The following CNTNAP5 variants were observed in gnomAD, a reference collection of about 807,000 sequenced individuals.
CNTNAP5 encodes contactin associated protein family member 5.
CNTNAP5 carries 72 observed loss-of-function variants against 150.2 expected under a neutral mutation model. The ratio of observed to expected loss-of-function variants is 0.48; its 90% CI spans 0.40 to 0.58. The LOEUF (loss-of-function observed/expected upper bound fraction) is 0.58, where lower values mean the gene tolerates loss of function less well. Among genes scored for constraint, CNTNAP5 ranks in the 20% least tolerant of loss-of-function variants. The pLI is 0.00. For missense variants in CNTNAP5, 1,636 were observed against 1,626.2 expected (o/e 1.01, Z -0.10); for synonymous variants, 672 against 619.8 (o/e 1.08, Z -1.25).
intron 11 of CNTNAP5, among the ~76,000 whole-genome samples, chr2:124,578,664 T>G (rs1243478406): frequency 6.6e-6 from 1 of 152,062 alleles, no homozygotes; most frequent in Non-Finnish European, 1.5e-5. Context: ...CCCAGCTCCT[T>G]GTGGGGACTG....
At chr2:124,174,302 T>C (rs533705407) in intron 1 of CNTNAP5, among the ~76,000 whole-genome samples, 2 of 152,156 alleles carry the variant, frequency 1.3e-5, no homozygotes, top group African/African-American at 2.4e-5. Context: ...AAAATACGTG[T>C]TGTAAGGCTA....
At chr2:124,576,075 C>T (rs1307692017) in intron 11 of CNTNAP5, among the ~76,000 whole-genome samples, 1 of 152,134 alleles carries the variant, frequency 6.6e-6, no homozygotes, top group East Asian at 1.9e-4. Context: ...TGATTCTTCA[C>T]TTGGCATAGC....
At chr2:124,126,612 A>G (rs200577576) in intron 1 of CNTNAP5, among the ~76,000 whole-genome samples, 1 of 126,440 alleles carries the variant, frequency 7.9e-6, no homozygotes, top group African/African-American at 2.7e-5. Flanking sequence ...ACAAAAAAAG[A>G]GAATTTTAGT....
intron 19 of CNTNAP5, among the ~76,000 whole-genome samples, chr2:124,854,988 A>T (rs959803083): frequency 6.6e-6 from 1 of 152,136 alleles, no homozygotes; most frequent in East Asian, 1.9e-4. Flanking sequence ...AAAATAAAAC[A>T]AAAACATAAC....
intron 19 of CNTNAP5, among the ~76,000 whole-genome samples, chr2:124,855,167 CTTTTTTTTTTTTTTTTTT>C (rs70999224): frequency 3.4e-4 from 24 of 71,470 alleles, no homozygotes; most frequent in South Asian, 9.0e-4. Flanking sequence ...TGGGCTTTTG[CTTTTTTTTTTTTTTTTTT>C]TTTTTTTTTT....
Position 124,798,120 on chromosome 2 carries a change from G to A in CNTNAP5, c.3017G>A (p.Gly1006Asp). The A allele has an allele frequency of 1.2e-6, 2 of 1,611,914 alleles. No homozygotes were observed. The highest frequency in any genetic ancestry group is 1.3e-5 in the African/African-American group (1 of 75,006). Residue 1006 changes from glycine (G) to aspartate (D), a missense_variant, in exon 19 of 24, where the codon GGC becomes GAC. Transcript: ENST00000682447. ...KKEVSAVFEAGTSVTYMFQEP... is the reference protein window; with the variant it reads ...KKEVSAVFEADTSVTYMFQEP... ...GAGGTTTCTGCTGTTTTTGAGGCTG[G>A]CACGTCGGTTACTTACATGTTTCAA...
intron 13 of CNTNAP5, among the ~76,000 whole-genome samples, chr2:124,679,295 G>T (rs901235321): frequency 3.9e-5 from 6 of 152,010 alleles, no homozygotes; most frequent in African/African-American, 9.6e-5. Flanking sequence ...TGAGATCCGG[G>T]AGTCTTGTTC....
intron 19 of CNTNAP5, among the ~76,000 whole-genome samples, chr2:124,826,255 A>T (rs1179538124): frequency 1.3e-5 from 2 of 152,130 alleles, no homozygotes; most frequent in African/African-American, 4.8e-5. Flanking sequence ...TGCTGTTTTA[A>T]TTCTAATTTC....
chr2:124,591,985 C>T (rs901725937), intron 11 of CNTNAP5, among the ~76,000 whole-genome samples: 30 of 152,076 alleles, frequency 2.0e-4, no homozygotes, highest in African/African-American at 7.0e-4. Flanking sequence ...AGTATACATG[C>T]ATTGTCTGTG....
At chr2:124,663,231 T>G (rs756301728) in intron 13 of CNTNAP5, among the ~76,000 whole-genome samples, 3 of 152,226 alleles carry the variant, frequency 2.0e-5, no homozygotes, top group Non-Finnish European at 2.9e-5. Flanking sequence ...CAATCCTTGC[T>G]TAAATCAGCC....
At chr2:124,540,192 T>C (rs1695345152) in intron 10 of CNTNAP5, among the ~76,000 whole-genome samples, 1 of 152,180 alleles carries the variant, frequency 6.6e-6, no homozygotes, top group Non-Finnish European at 1.5e-5. Context: ...CTTTTACCTA[T>C]GCTGAAAAGT....
intron 1 of CNTNAP5, among the ~76,000 whole-genome samples, chr2:124,190,746 A>G (rs1685439918): frequency 6.6e-6 from 1 of 152,228 alleles, no homozygotes; most frequent in African/African-American, 2.4e-5. Context: ...ATTAAATAAT[A>G]CAGTTATTAA....
intron 3 of CNTNAP5, among the ~76,000 whole-genome samples, chr2:124,372,086 A>G (rs1047049041): frequency 3.3e-5 from 5 of 152,000 alleles, no homozygotes; most frequent in Admixed American, 1.3e-4. Context: ...CCTGGCTAAC[A>G]GAAAGCAAGT....
At chr2:124,560,857 A>G (rs1424623501) in intron 10 of CNTNAP5, among the ~76,000 whole-genome samples, 2 of 152,048 alleles carry the variant, frequency 1.3e-5, no homozygotes. Context: ...TTCACTGCAG[A>G]CAAATTTTCT....
chr2:124,210,470 T>G (rs1685976669), intron 1 of CNTNAP5, among the ~76,000 whole-genome samples: 1 of 152,208 alleles, frequency 6.6e-6, no homozygotes, highest in Non-Finnish European at 1.5e-5. Flanking sequence ...CAGGTCATGA[T>G]GATTCCAATA....
chr2:124,786,434 GGAAGGAAGGAAGGAAAGAAA>G (rs1264204847), intron 17 of CNTNAP5, among the ~76,000 whole-genome samples: 8 of 100,882 alleles, frequency 7.9e-5, no homozygotes, highest in African/African-American at 4.0e-4. Context: ...AAGGAAGGAA[GGAAGGAAGGAAGGAAAGAAA>G]GAAAGAAAGA....
intron 6 of CNTNAP5, among the ~76,000 whole-genome samples, chr2:124,451,042 AAAAAAAAAAAT>A (rs1558908192): frequency 2.6e-5 from 2 of 75,742 alleles, no homozygotes; most frequent in African/African-American, 1.0e-4. Flanking sequence ...AAAAAAAAAA[AAAAAAAAAAAT>A]ATATATATAT....
chr2:124,796,091 G>A (rs893727344), intron 18 of CNTNAP5, among the ~76,000 whole-genome samples: 1 of 152,110 alleles, frequency 6.6e-6, no homozygotes, highest in African/African-American at 2.4e-5. Context: ...GAGTCCAGCT[G>A]TATTGCTGAA....
intron 3 of CNTNAP5, among the ~76,000 whole-genome samples, chr2:124,295,059 T>G (rs139241783): frequency 0.011 from 1,599 of 152,092 alleles, 31 homozygotes; most frequent in Admixed American, 0.051. Flanking sequence ...TGAGCGGAGA[T>G]CCTGCCACTG....
Sources: gnomAD v4.1 joint callset for allele counts (sites outside exome capture counted in the v4.1 genomes callset) on GRCh38, gnomAD v4.1.1 for gene constraint, MANE v1.5 for transcripts, NCBI Gene and HGNC (gene_info 2026-07-23, HGNC 2026-07-21) for gene names.